TMEM243: variants seen among roughly 807,000 people sequenced by gnomAD.
TMEM243 encodes the protein MDR1 and mitochondrial taxol resistance associated.
A neutral mutation model predicts 15.0 loss-of-function variants in TMEM243; 20 were observed. That is an observed-to-expected ratio of 1.33 (90% confidence interval 0.94 to 1.93). TMEM243 has a LOEUF of 1.93. TMEM243 is among the 30% of genes most tolerant of loss of function. The probability of loss-of-function intolerance (pLI) is 0.00; values close to 1 mark genes in which losing one functional copy is unlikely to be tolerated. For missense variants in TMEM243, 156 were observed against 142.1 expected, an observed-to-expected ratio of 1.10 and a Z score of -0.50; for synonymous variants, 72 against 52.7, an observed-to-expected ratio of 1.37 and a Z score of -1.59.
At chr7:87,209,537 A>AC in intron 1 of TMEM243, among the ~76,000 whole-genome samples, 1 of 42,158 alleles carries the variant, frequency 2.4e-5, no homozygotes. Context: ...AGTGAGAGAG[A>AC]AAGTGAGAGA....
At chr7:87,207,315 G>GATGGACAATGCCATGAAGACATTCCCTA (rs1394608013) in intron 1 of TMEM243, among the ~76,000 whole-genome samples, 4 of 43,222 alleles carry the variant, frequency 9.3e-5, no homozygotes, top group African/African-American at 2.3e-4. Context: ...GCAAAAGCCG[G>GATGGACAATGCCATGAAGACATTCCCTA]CCGGGCGCGG....
intron 3 of TMEM243, among the ~76,000 whole-genome samples, chr7:87,197,425 A>C (rs1323896133): frequency 6.6e-6 from 1 of 152,140 alleles, no homozygotes; most frequent in East Asian, 1.9e-4. Flanking sequence ...TCACCATAAA[A>C]GAAACATTTG....
intron 1 of TMEM243, among the ~76,000 whole-genome samples, chr7:87,200,092 TTAAGGA>T (rs1439062160): frequency 1.3e-5 from 2 of 152,110 alleles, no homozygotes; most frequent in African/African-American, 4.8e-5. Context: ...TAGTCGCCTT[TTAAGGA>T]TAAGAACCCA....
intron 1 of TMEM243, among the ~76,000 whole-genome samples, chr7:87,206,390 G>A (rs1000034149): frequency 1.1e-4 from 16 of 152,220 alleles, no homozygotes; most frequent in Admixed American, 1.0e-3. Context: ...GCATCAAAAT[G>A]TATTGCTTGT....
At chr7:87,206,630 A>T (rs778485184) in intron 1 of TMEM243, among the ~76,000 whole-genome samples, 10 of 152,362 alleles carry the variant, frequency 6.6e-5, no homozygotes, top group Non-Finnish European at 1.5e-4. Flanking sequence ...AGCAGGACAG[A>T]GTGAGAGTTA....
intron 1 of TMEM243, among the ~76,000 whole-genome samples, chr7:87,204,093 G>A (rs958822698): frequency 2.0e-5 from 3 of 152,140 alleles, no homozygotes; most frequent in African/African-American, 7.2e-5. Context: ...CTTACATGAT[G>A]GCAGGCAAGA....
At chr7:87,206,921 C>T (rs962524216) in intron 1 of TMEM243, among the ~76,000 whole-genome samples, 2 of 152,336 alleles carry the variant, frequency 1.3e-5, no homozygotes, top group South Asian at 2.1e-4. Flanking sequence ...CTCATCTTAC[C>T]ACTTAGGGCC....
chr7:87,196,356 G>A lies in TMEM243; in HGVS notation c.*280C>T. 1 of 278,064 alleles carries A rather than the reference G, an allele frequency of 3.6e-6. No individual in the cohort carries two copies. The highest frequency in any genetic ancestry group is 6.7e-6 in the Non-Finnish European group (1 of 150,266). 17.2% of individuals were successfully genotyped at this position (278,064 alleles called of 1,614,324 possible). On this transcript the variant is annotated 3_prime_UTR_variant, in exon 4 of 4. Coordinates refer to ENST00000257637, the MANE Select transcript of TMEM243 (RefSeq NM_024315.4). ...AAGATTTGTTTTTACATAGCCTTTTGCCATACAATTATAAAAATTTCATTT... is the reference window on the plus strand; with the variant it reads ...AAGATTTGTTTTTACATAGCCTTTTACCATACAATTATAAAAATTTCATTT...
At chr7:87,197,688 ATTTTTTTTT>A (rs71906317) in intron 3 of TMEM243, 13 of 982,100 alleles carry the variant, frequency 1.3e-5, no homozygotes, top group South Asian at 4.4e-5. Flanking sequence ...CTTTCCACTA[ATTTTTTTTT>A]TTTTTTTTTT....
intron 1 of TMEM243, among the ~76,000 whole-genome samples, chr7:87,201,107 T>A (rs764538261): frequency 1.3e-5 from 2 of 152,230 alleles, no homozygotes; most frequent in African/African-American, 4.8e-5. Context: ...GTTATTGTTA[T>A]AATGTAGTGG....
chr7:87,216,094 C>A (rs1451563743), intron 1 of TMEM243, among the ~76,000 whole-genome samples: 1 of 151,802 alleles, frequency 6.6e-6, no homozygotes, highest in Non-Finnish European at 1.5e-5. Context: ...CACGGTGAAA[C>A]CCCCATCTCA....
intron 1 of TMEM243, among the ~76,000 whole-genome samples, chr7:87,206,956 T>G (rs1226698172): frequency 6.6e-6 from 1 of 152,242 alleles, no homozygotes. Flanking sequence ...GAACATAATG[T>G]GCCTCACTGC....
At chr7:87,211,853 C>A (rs11971353) in intron 1 of TMEM243, among the ~76,000 whole-genome samples, 5,685 of 152,222 alleles carry the variant, frequency 0.037, 127 homozygotes, top group East Asian at 0.065. Flanking sequence ...TCTAGGACGC[C>A]GCGAATTATG....
At chr7:87,215,278 T>G (rs1391401430) in intron 1 of TMEM243, among the ~76,000 whole-genome samples, 1 of 152,042 alleles carries the variant, frequency 6.6e-6, no homozygotes, top group African/African-American at 2.4e-5. Context: ...AGCTAATTTT[T>G]TGTGTGTGTG....
intron 1 of TMEM243, among the ~76,000 whole-genome samples, chr7:87,201,570 GA>G (rs1416669984): frequency 6.6e-6 from 1 of 152,204 alleles, no homozygotes; most frequent in Non-Finnish European, 1.5e-5. Flanking sequence ...AATCTCCAAA[GA>G]GGATAATAGA....
At chr7:87,203,375 G>A (rs1305688003) in intron 1 of TMEM243, among the ~76,000 whole-genome samples, 2 of 152,168 alleles carry the variant, frequency 1.3e-5, no homozygotes, top group Non-Finnish European at 2.9e-5. Flanking sequence ...CACTTTGGGA[G>A]GCCAAGGTGG....
chr7:87,209,856 G>C (rs1380098885), intron 1 of TMEM243, among the ~76,000 whole-genome samples: 2 of 147,664 alleles, frequency 1.4e-5, no homozygotes, highest in Non-Finnish European at 3.0e-5. Flanking sequence ...GAGAGCGAGA[G>C]AGAGAGAGAG....
intron 1 of TMEM243, among the ~76,000 whole-genome samples, chr7:87,206,111 A>C (rs1022378399): frequency 1.3e-5 from 2 of 152,188 alleles, no homozygotes; most frequent in Non-Finnish European, 2.9e-5. Context: ...AAATCATCAG[A>C]TCTCATGAGA....
intron 1 of TMEM243, among the ~76,000 whole-genome samples, chr7:87,216,124 A>T (rs1020099228): frequency 2.0e-5 from 3 of 152,058 alleles, no homozygotes; most frequent in Non-Finnish European, 2.9e-5. Context: ...ACAAAAAAAA[A>T]TTAGCCAGGT....
Sources: gnomAD v4.1 joint callset for allele counts (sites outside exome capture counted in the v4.1 genomes callset) on GRCh38, gnomAD v4.1.1 for gene constraint, MANE v1.5 for transcripts, NCBI Gene and HGNC (gene_info 2026-07-23, HGNC 2026-07-21) for gene names.